Variants in STAM observed in about 807,000 individuals in gnomAD.
The protein encoded by STAM is signal transducing adapter molecule 1.
In STAM, 16 loss-of-function variants were observed where a neutral mutation model predicts 63.4. That is an observed-to-expected ratio of 0.25 (90% CI 0.17 to 0.38). The LOEUF (loss-of-function observed/expected upper bound fraction) is 0.38. Among genes scored for constraint, STAM ranks in the 10% least tolerant of loss-of-function variants. The pLI is 1.00. For synonymous variants in STAM, 238 were observed against 223.9 expected, an observed-to-expected ratio of 1.06 and a Z score of -0.56; for missense variants, 636 against 657.1, an observed-to-expected ratio of 0.97 and a Z score of 0.35.
chr10:17,685,548 A>G (rs1554825975), intron 4 of STAM, among the ~76,000 whole-genome samples: 1 of 152,192 alleles, frequency 6.6e-6, no homozygotes, highest in Non-Finnish European at 1.5e-5. Flanking sequence ...GGAGGGCTGC[A>G]GTTTATAGGA....
intron 1 of STAM, among the ~76,000 whole-genome samples, chr10:17,653,850 A>G (rs1001211860): frequency 2.0e-5 from 3 of 152,234 alleles, no homozygotes; most frequent in Non-Finnish European, 2.9e-5. Flanking sequence ...TCTCCCATGT[A>G]TACCAAGAGA....
At chr10:17,666,031 T>C (rs1457777338) in intron 2 of STAM, among the ~76,000 whole-genome samples, 1 of 152,228 alleles carries the variant, frequency 6.6e-6, no homozygotes, top group Non-Finnish European at 1.5e-5. Flanking sequence ...ATAATTTTTC[T>C]ATGTTAGTGT....
intron 2 of STAM, among the ~76,000 whole-genome samples, chr10:17,663,921 C>A (rs7089113): frequency 0.12 from 17,490 of 151,874 alleles, 1,102 homozygotes; most frequent in Middle Eastern, 0.16. Context: ...TAGGACATTC[C>A]TGGGCCCTAG....
At chr10:17,668,049 C>T (rs1413215884) in intron 2 of STAM, among the ~76,000 whole-genome samples, 4 of 152,144 alleles carry the variant, frequency 2.6e-5, no homozygotes, top group Non-Finnish European at 5.9e-5. Context: ...CTCCAAGGTC[C>T]ATCGGAGTTA....
At chr10:17,659,616 A>G (rs1834083217) in intron 1 of STAM, among the ~76,000 whole-genome samples, 1 of 151,704 alleles carries the variant, frequency 6.6e-6, no homozygotes, top group Non-Finnish European at 1.5e-5. Flanking sequence ...ATACAGGTGC[A>G]TGCCACCAGG....
chr10:17,695,478 A>C (rs966071351), intron 7 of STAM, among the ~76,000 whole-genome samples: 1 of 152,184 alleles, frequency 6.6e-6, no homozygotes, highest in Non-Finnish European at 1.5e-5. Context: ...AGTTTAATCT[A>C]TTCATTTTCG....
chr10:17,700,317 T>C (rs1835936457), intron 9 of STAM, 38 bp downstream of exon 9: 2 of 1,457,696 alleles, frequency 1.4e-6, no homozygotes, highest in Non-Finnish European at 1.9e-6. Flanking sequence ...TGGTACTTTG[T>C]ATTGAAATTT....
intron 13 of STAM, among the ~76,000 whole-genome samples, chr10:17,711,765 C>T (rs1191306002): frequency 6.6e-6 from 1 of 152,104 alleles, no homozygotes; most frequent in Non-Finnish European, 1.5e-5. Flanking sequence ...GAGAGACATA[C>T]TTGAAGACAC....
In STAM at chr10:17,696,689, A is replaced by G. The variant is rs1835772509; in HGVS notation, c.729-86A>G. 1.5e-5 allele frequency: 14 copies of G among 905,612 alleles called. No individual in the cohort carries two copies. In the South Asian group the frequency reaches 2.3e-4, roughly 15 times the overall value. 56.1% of individuals were successfully genotyped at this position (905,612 alleles called of 1,614,324 possible). A position where few individuals can be genotyped will look rare whatever the true frequency, so the allele number is the denominator to read the frequency against. On this transcript the variant is annotated intron_variant, in intron 7 of 13. Coordinates refer to ENST00000377524, the MANE Select transcript of STAM (RefSeq NM_003473.4). ...TATTGTGAGATTCAAATTTTGTAAT[A>G]GTGTAAGTTGAATACTACAAAAGAT...
intron 8 of STAM, among the ~76,000 whole-genome samples, chr10:17,697,743 T>C (rs1297943788): frequency 7.2e-5 from 11 of 152,332 alleles, no homozygotes; most frequent in Non-Finnish European, 2.9e-5. Context: ...GAAAAATATG[T>C]TCAAATCTAG....
At chr10:17,650,826 G>A (rs1214104241) in intron 1 of STAM, among the ~76,000 whole-genome samples, 1 of 152,310 alleles carries the variant, frequency 6.6e-6, no homozygotes, top group Non-Finnish European at 1.5e-5. Context: ...AGCACTTTGG[G>A]AGGCCGAGGT....
chr10:17,679,302 C>G (rs1474742765), intron 2 of STAM, among the ~76,000 whole-genome samples: 3 of 152,108 alleles, frequency 2.0e-5, no homozygotes, highest in African/African-American at 7.2e-5. Context: ...TGATTTGCAT[C>G]TCCCTAATTG....
At chr10:17,668,019 G>A (rs1340121490) in intron 2 of STAM, among the ~76,000 whole-genome samples, 1 of 152,202 alleles carries the variant, frequency 6.6e-6, no homozygotes, top group African/African-American at 2.4e-5. Flanking sequence ...TCAGTTATTG[G>A]TAATGACAAG....
At chr10:17,666,972 A>G (rs1834413397) in intron 2 of STAM, among the ~76,000 whole-genome samples, 1 of 152,114 alleles carries the variant, frequency 6.6e-6, no homozygotes, top group South Asian at 2.1e-4. Context: ...ATTGTTTGCT[A>G]GACTCTGTTA....
Position 17,644,159 on chromosome 10 carries a change from T to TTGCCGCCGCCGCAGC in STAM, c.-177_-163dup. 3 of 650,152 alleles carry TTGCCGCCGCCGCAGC rather than the reference T, an allele frequency of 4.6e-6. No individual in the cohort carries two copies. The highest frequency in any genetic ancestry group is 1.7e-5 in the South Asian group (1 of 58,518). The allele number at this position is 650,152 out of a possible 1,614,324, so 40.3% of individuals were successfully genotyped here. ...CGGGGGCTTCCTCGGCTCCTTGCTG[T>TTGCCGCCGCCGCAGC]TGCCGCCGCCGCAGCTGCTGCCGCG... is the stretch of plus-strand genomic sequence containing the variant. On this transcript the variant is annotated 5_prime_UTR_variant, in exon 1 of 14. Transcript: ENST00000377524.
intron 5 of STAM, among the ~76,000 whole-genome samples, chr10:17,688,801 A>G (rs1165132286): frequency 6.6e-6 from 1 of 152,170 alleles, no homozygotes; most frequent in Non-Finnish European, 1.5e-5. Context: ...AGCTTTATTA[A>G]TTAGGTAACA....
chr10:17,645,016 AGTT>A (rs1833466211), intron 1 of STAM, among the ~76,000 whole-genome samples: 1 of 152,234 alleles, frequency 6.6e-6, no homozygotes, highest in Non-Finnish European at 1.5e-5. Context: ...GTGTGGAAGA[AGTT>A]GTTGAATCTG....
At position 17,700,288 on chromosome 10, in the gene STAM, T is replaced by G; in HGVS notation, c.912+9T>G. The G allele has an allele frequency of 6.3e-7, 1 of 1,595,258 alleles. No homozygotes were observed. The highest frequency in any genetic ancestry group is 8.5e-7 in the Non-Finnish European group (1 of 1,170,096). ...CAGCCTTTATTGATGAAGTAAGTGG[T>G]TTCCATGGTGATAGGAGTTGGTACT... On this transcript the variant is annotated intron_variant, in intron 9 of 13. Coordinates refer to ENST00000377524, the MANE Select transcript of STAM (RefSeq NM_003473.4).
intron 1 of STAM, among the ~76,000 whole-genome samples, chr10:17,645,192 G>T (rs1833473258): frequency 6.6e-6 from 1 of 152,054 alleles, no homozygotes; most frequent in South Asian, 2.1e-4. Flanking sequence ...TCCGGGGAGA[G>T]AATTTTGGTT....
Sources: allele counts gnomAD v4.1 joint callset (sites outside exome capture counted in the v4.1 genomes callset), GRCh38; gene constraint gnomAD v4.1.1; transcripts MANE v1.5; gene names NCBI Gene and HGNC (gene_info 2026-07-23, HGNC 2026-07-21).